Variants in COBL observed in about 807,000 individuals in gnomAD.
The protein encoded by COBL is protein cordon-bleu.
COBL carries 51 observed loss-of-function variants against 98.8 expected under a neutral mutation model. That is an observed-to-expected ratio of 0.52 (90% CI 0.41 to 0.65). The LOEUF is 0.65. Ranked by LOEUF, COBL falls within the 30% of genes least tolerant of loss-of-function variation. The probability of loss-of-function intolerance (pLI) is 0.00; values close to 1 mark genes in which losing one functional copy is unlikely to be tolerated. For synonymous variants in COBL, 634 were observed against 651.7 expected (o/e 0.97, Z 0.41); for missense variants, 1,617 against 1,617.5 (o/e 1.00, Z 0.01).
chr7:51,060,475 G>A (rs1368524961), intron 7 of COBL, among the ~76,000 whole-genome samples: 2 of 152,186 alleles, frequency 1.3e-5, no homozygotes, highest in African/African-American at 2.4e-5. Context: ...GAAGCAGCTG[G>A]TTTGATAGAA....
At position 51,086,358 on chromosome 7, in the gene COBL, G is replaced by GA. The variant is rs57609497; in HGVS notation, c.958-1055dup. On this transcript the variant is annotated intron_variant, in intron 6 of 12. Coordinates refer to ENST00000265136, the MANE Select transcript of COBL (RefSeq NM_015198.5). ...GGTGATGTAGCAAGACTGTGTCTCA[G>GA]AAAAAAAAAAAAAAAAAAAAAAAAA... 5.7e-3 allele frequency among the ~76,000 whole-genome samples: 428 copies of GA among 74,828 alleles called. 9 individuals carry two copies. The highest frequency in any genetic ancestry group is 0.012 in the East Asian group (20 of 1,720). The allele number at this position is 74,828 out of a possible 152,430, so 49.1% of individuals were successfully genotyped here. A position where few individuals can be genotyped will look rare whatever the true frequency, so the allele number is the denominator to read the frequency against.
At chr7:51,148,822 CCATT>C (rs1303801591) in intron 5 of COBL, among the ~76,000 whole-genome samples, 2 of 152,030 alleles carry the variant, frequency 1.3e-5, no homozygotes, top group Non-Finnish European at 2.9e-5. Context: ...CCAGGGCTGG[CCATT>C]CAGACACCCC....
chr7:51,288,300 G>C (rs940679838), intron 1 of COBL, among the ~76,000 whole-genome samples: 3 of 150,322 alleles, frequency 2.0e-5, no homozygotes, highest in Non-Finnish European at 4.4e-5. Flanking sequence ...CAGGCATGGT[G>C]GCAGGCGCCT....
intron 5 of COBL, among the ~76,000 whole-genome samples, chr7:51,152,489 C>T (rs990117660): frequency 1.3e-5 from 2 of 152,166 alleles, no homozygotes; most frequent in Admixed American, 1.3e-4. Flanking sequence ...TTTATAGAAA[C>T]CATCTCTGTC....
intron 1 of COBL, among the ~76,000 whole-genome samples, chr7:51,294,333 A>T (rs937103772): frequency 2.1e-4 from 28 of 135,328 alleles, no homozygotes; most frequent in African/African-American, 6.3e-4. Flanking sequence ...AATAAATAAA[A>T]ATAAATAAAT....
chr7:51,053,857 C>G (rs753173953), intron 7 of COBL, among the ~76,000 whole-genome samples: 1 of 152,240 alleles, frequency 6.6e-6, no homozygotes, highest in African/African-American at 2.4e-5. Context: ...TGCAATGCAA[C>G]ATTTTATTAG....
intron 8 of COBL, chr7:51,032,487 A>T (rs1438160353): frequency 1.3e-5 from 2 of 152,242 alleles, no homozygotes; most frequent in Non-Finnish European, 2.9e-5. Context: ...ACTGCTAATC[A>T]GGCCCAGATA....
Position 51,206,497 on chromosome 7 carries a change from A to G in COBL, c.246-12908T>C, listed in dbSNP as rs1791728339. ...ACAGAGCGAGACTCTGTCTCAAAAA[A>G]AAAAAAAAAGAAAGAAAATGAAATC... On this transcript the variant is annotated intron_variant, in intron 2 of 12. Transcript: ENST00000265136. Among the ~76,000 whole-genome samples, 4 of 152,040 alleles carry G rather than the reference A, an allele frequency of 2.6e-5. No homozygotes were observed. In the South Asian group the frequency reaches 8.3e-4, roughly 32 times the overall value.
intron 1 of COBL, chr7:51,260,211 T>C: frequency 1.5e-6 from 1 of 673,528 alleles, no homozygotes; most frequent in Non-Finnish European, 2.6e-6. Flanking sequence ...CTCTACCACA[T>C]GGGGAAGATG....
intron 4 of COBL, among the ~76,000 whole-genome samples, chr7:51,188,233 G>A (rs1455713721): frequency 5.3e-5 from 8 of 152,240 alleles, no homozygotes; most frequent in Admixed American, 3.9e-4. Flanking sequence ...AGGCCTCTGC[G>A]TAGCAATGCC....
At chr7:51,237,659 C>T (rs1445317565) in intron 1 of COBL, among the ~76,000 whole-genome samples, 1 of 151,762 alleles carries the variant, frequency 6.6e-6, no homozygotes, top group African/African-American at 2.4e-5. Flanking sequence ...ACACAGAATG[C>T]TTGTCATATT....
chr7:51,161,899 G>A (rs1042486017), intron 5 of COBL, among the ~76,000 whole-genome samples: 3 of 152,120 alleles, frequency 2.0e-5, no homozygotes, highest in South Asian at 2.1e-4. Flanking sequence ...TAGAACCCAC[G>A]TCACTTTACT....
intron 5 of COBL, among the ~76,000 whole-genome samples, chr7:51,170,532 A>ATATATATATATATATATATAT (rs1562991402): frequency 1.4e-5 from 2 of 139,656 alleles, no homozygotes; most frequent in African/African-American, 5.4e-5. Context: ...TATATATATA[A>ATATATATATATATATATATAT]ATATATATCA....
chr7:51,266,519 G>A (rs545329384), intron 1 of COBL, among the ~76,000 whole-genome samples: 2 of 152,182 alleles, frequency 1.3e-5, no homozygotes, highest in East Asian at 1.9e-4. Flanking sequence ...CAGAGGTTGC[G>A]GTGAGCCAAG....
intron 2 of COBL, among the ~76,000 whole-genome samples, chr7:51,211,915 A>G (rs559110145): frequency 2.0e-4 from 30 of 152,142 alleles, no homozygotes; most frequent in African/African-American, 6.0e-4. Flanking sequence ...ATCTATCTAC[A>G]TTCAGGTTAA....
intron 1 of COBL, among the ~76,000 whole-genome samples, chr7:51,224,980 A>AGTGTGGGTGGACTGTGT (rs1009186102): frequency 2.0e-5 from 3 of 151,878 alleles, no homozygotes; most frequent in Non-Finnish European, 4.4e-5. Context: ...GCAGGCTGTG[A>AGTGTGGGTGGACTGTGT]GTGTGGGTGG....
intron 7 of COBL, among the ~76,000 whole-genome samples, chr7:51,069,095 T>C (rs2128921107): frequency 6.6e-6 from 1 of 152,306 alleles, no homozygotes; most frequent in African/African-American, 2.4e-5. Context: ...GAAAGGTAAT[T>C]TGCCTTCTGG....
At chr7:51,064,958 C>T in intron 7 of COBL, 1 of 593,354 alleles carries the variant, frequency 1.7e-6, no homozygotes, top group Non-Finnish European at 3.0e-6. Context: ...GGCTCATTTT[C>T]CTCTCTATTA....
chr7:51,101,709 G>A (rs1795821881), intron 6 of COBL, among the ~76,000 whole-genome samples: 1 of 152,214 alleles, frequency 6.6e-6, no homozygotes, highest in Non-Finnish European at 1.5e-5. Context: ...ACCAGTTTGT[G>A]CTTCAAAGTG....
Sources: allele counts gnomAD v4.1 joint callset (sites outside exome capture counted in the v4.1 genomes callset), GRCh38; gene constraint gnomAD v4.1.1; transcripts MANE v1.5; gene names NCBI Gene and HGNC (gene_info 2026-07-23, HGNC 2026-07-21).